GPR176: variants seen among roughly 807,000 people sequenced by gnomAD.
GPR176 encodes G protein-coupled receptor 176.
A neutral mutation model predicts 35.4 loss-of-function variants in GPR176; 26 were observed. The ratio of observed to expected loss-of-function variants is 0.74; its 90% CI spans 0.54 to 1.02. The LOEUF is 1.02. GPR176 is among the 50% of genes least tolerant of loss of function. GPR176 has a pLI of 0.00. For synonymous variants in GPR176, 278 were observed against 271.3 expected, an observed-to-expected ratio of 1.02 and a Z score of -0.24; for missense variants, 597 against 665.3, an observed-to-expected ratio of 0.90 and a Z score of 1.13.
At chr15:39,858,335 T>C (rs2031376205) in intron 1 of GPR176, among the ~76,000 whole-genome samples, 1 of 152,192 alleles carries the variant, frequency 6.6e-6, no homozygotes, top group Non-Finnish European at 1.5e-5. Flanking sequence ...ATTTGTGGAA[T>C]CCCTGAGGCT....
chr15:39,878,095 C>CGTGT (rs1411063695), intron 1 of GPR176, among the ~76,000 whole-genome samples: 22 of 40,876 alleles, frequency 5.4e-4, no homozygotes, highest in Admixed American at 8.9e-4. Context: ...CCCATAGTTA[C>CGTGT]CTGTGTGTGT....
intron 1 of GPR176, among the ~76,000 whole-genome samples, chr15:39,843,613 T>C (rs1020712696): frequency 2.0e-5 from 3 of 152,138 alleles, no homozygotes; most frequent in Admixed American, 2.0e-4. Flanking sequence ...GGCATAGCTA[T>C]GCCTGAGGTA....
chr15:39,908,487 C>G (rs1202630995), intron 1 of GPR176, among the ~76,000 whole-genome samples: 4 of 152,100 alleles, frequency 2.6e-5, no homozygotes, highest in African/African-American at 9.7e-5. Context: ...TATATGTTAT[C>G]AGTCAGGATA....
intron 1 of GPR176, among the ~76,000 whole-genome samples, chr15:39,880,484 CA>C (rs11304757): frequency 1 from 152,298 of 152,298 alleles, 76,149 homozygotes; most frequent in Non-Finnish European, 1. Flanking sequence ...AGCTACCACT[CA>C]ATTTTGATGA....
chr15:39,883,494 G>C (rs2032559184), intron 1 of GPR176, among the ~76,000 whole-genome samples: 2 of 152,068 alleles, frequency 1.3e-5, no homozygotes, highest in South Asian at 4.1e-4. Context: ...CACCATGAAG[G>C]AAAGACAAAT....
chr15:39,872,182 G>T (rs900890810), intron 1 of GPR176, among the ~76,000 whole-genome samples: 1 of 138,962 alleles, frequency 7.2e-6, no homozygotes, highest in Non-Finnish European at 1.6e-5. Flanking sequence ...GAAATAAGTT[G>T]TATAATAGAG....
chr15:39,877,055 C>T (rs1313120096), intron 1 of GPR176, among the ~76,000 whole-genome samples: 4 of 152,056 alleles, frequency 2.6e-5, no homozygotes, highest in Non-Finnish European at 5.9e-5. Flanking sequence ...TTATTTTATC[C>T]TATTTTTCTT....
At chr15:39,858,215 G>T (rs2031367776) in intron 1 of GPR176, among the ~76,000 whole-genome samples, 1 of 152,120 alleles carries the variant, frequency 6.6e-6, no homozygotes, top group Non-Finnish European at 1.5e-5. Context: ...AAGCAAGCAA[G>T]AAGACAGAAG....
At chr15:39,809,189 C>T (rs1344428875) in intron 1 of GPR176, among the ~76,000 whole-genome samples, 1 of 152,160 alleles carries the variant, frequency 6.6e-6, no homozygotes, top group African/African-American at 2.4e-5. Flanking sequence ...GCATGCAGAG[C>T]CTAATCTCTT....
chr15:39,810,035 C>T (rs1899443630), intron 1 of GPR176, among the ~76,000 whole-genome samples: 1 of 151,662 alleles, frequency 6.6e-6, no homozygotes, highest in Admixed American at 6.6e-5. Context: ...GTACCAGCTG[C>T]TCGGGAGGCT....
intron 1 of GPR176, among the ~76,000 whole-genome samples, chr15:39,833,311 T>G (rs1901209002): frequency 6.6e-6 from 1 of 152,114 alleles, no homozygotes; most frequent in Non-Finnish European, 1.5e-5. Context: ...AATGAAATAT[T>G]AAAAGGAATA....
At chr15:39,888,234 T>C (rs1056682287) in intron 1 of GPR176, among the ~76,000 whole-genome samples, 2 of 152,132 alleles carry the variant, frequency 1.3e-5, no homozygotes, top group African/African-American at 4.8e-5. Context: ...CTTCTTGCTT[T>C]TCTCTTGTTG....
At chr15:39,873,806 T>A (rs1055191928) in intron 1 of GPR176, among the ~76,000 whole-genome samples, 1 of 152,026 alleles carries the variant, frequency 6.6e-6, no homozygotes, top group East Asian at 1.9e-4. Context: ...TCTTATTCTA[T>A]TCTTGTCCCC....
At chr15:39,880,731 C>T (rs1283072329) in intron 1 of GPR176, among the ~76,000 whole-genome samples, 7 of 152,286 alleles carry the variant, frequency 4.6e-5, no homozygotes, top group East Asian at 1.9e-4. Flanking sequence ...TCTGTCTTAA[C>T]GCAACCTTCA....
chr15:39,819,873 A>G (rs1457377165), intron 1 of GPR176, among the ~76,000 whole-genome samples: 1 of 152,236 alleles, frequency 6.6e-6, no homozygotes, highest in Non-Finnish European at 1.5e-5. Flanking sequence ...TGTGAACTGG[A>G]GAAATAAGAT....
At chr15:39,842,723 T>C (rs2030106083) in intron 1 of GPR176, among the ~76,000 whole-genome samples, 2 of 152,104 alleles carry the variant, frequency 1.3e-5, no homozygotes, top group Admixed American at 6.6e-5. Flanking sequence ...ATCTTAGACT[T>C]CCGTGCCTCT....
chr15:39,825,158 G>A (rs1033933649), intron 1 of GPR176, among the ~76,000 whole-genome samples: 7 of 152,222 alleles, frequency 4.6e-5, no homozygotes, highest in South Asian at 2.1e-4. Context: ...AGTGAGCCAC[G>A]ATCACTGCAC....
At chr15:39,905,969 G>A (rs138756572) in intron 1 of GPR176, among the ~76,000 whole-genome samples, 1 of 152,260 alleles carries the variant, frequency 6.6e-6, no homozygotes, top group Non-Finnish European at 1.5e-5. Context: ...GCTACCACTG[G>A]GGGAAACTGG....
At chr15:39,838,634 C>G (rs974002189) in intron 1 of GPR176, among the ~76,000 whole-genome samples, 4 of 152,068 alleles carry the variant, frequency 2.6e-5, no homozygotes, top group Non-Finnish European at 2.9e-5. Flanking sequence ...ATTCAACAGC[C>G]CTTCATGCTA....
Sources: gnomAD v4.1 joint callset for allele counts (sites outside exome capture counted in the v4.1 genomes callset) on GRCh38, gnomAD v4.1.1 for gene constraint, MANE v1.5 for transcripts, NCBI Gene and HGNC (gene_info 2026-07-23, HGNC 2026-07-21) for gene names.